The following PAFAH1B3 variants were observed in gnomAD, a reference collection of about 807,000 sequenced individuals.
The protein encoded by PAFAH1B3 is platelet-activating factor acetylhydrolase IB subunit alpha1.
A neutral mutation model predicts 24.4 loss-of-function variants in PAFAH1B3; 15 were observed. That is an observed-to-expected ratio of 0.62 (90% CI 0.41 to 0.95). The LOEUF is 0.95. Among genes scored for constraint, PAFAH1B3 ranks in the 40% least tolerant of loss-of-function variants. The pLI is 0.00. For missense variants in PAFAH1B3, 266 were observed against 312.2 expected, an observed-to-expected ratio of 0.85 and a Z score of 1.12; for synonymous variants, 144 against 126.5, an observed-to-expected ratio of 1.14 and a Z score of -0.93.
intron 2 of PAFAH1B3, among the ~76,000 whole-genome samples, chr19:42,301,615 C>T (rs1660395230): frequency 1.3e-5 from 2 of 152,182 alleles, no homozygotes; most frequent in African/African-American, 4.8e-5. Context: ...AGTTGCCCTT[C>T]GCTTCCTGTA....
rs2038534039 is a variant in PAFAH1B3, at chr19:42,297,058, G to A, written c.*20C>T. On this transcript the variant is annotated 3_prime_UTR_variant, in exon 5 of 5. Coordinates refer to ENST00000262890, the MANE Select transcript of PAFAH1B3 (RefSeq NM_002573.4). ...CACTGAGGAAGGAGAGTTTAATGTT[G>A]TGGGAAGGCAGCAGGATGCTTAGGG... The A allele has an allele frequency of 6.3e-6, 10 of 1,591,754 alleles. No individual in the cohort carries two copies. Among genetic ancestry groups the A allele is most frequent in the Non-Finnish European group, 8.6e-6 (10 of 1,163,272 alleles).
rs1261667545 is a variant in PAFAH1B3 at position 42,302,045 on chromosome 19, G to C, written c.79-6C>G. 5 of 1,564,138 alleles carry C rather than the reference G, an allele frequency of 3.2e-6. No individual in the cohort carries two copies. The highest frequency in any genetic ancestry group is 4.3e-6 in the Non-Finnish European group (5 of 1,154,264). On this transcript the variant is annotated splice_polypyrimidine_tract_variant and splice_region_variant and intron_variant, in intron 1 of 4. Transcript: ENST00000262890. Reference sequence around the variant, plus strand: ...TCAGCCACGAACCGATGGTGCTGCGGGAGCGCGCGAGAGGGAGTCAATGGC... The same window carrying C: ...TCAGCCACGAACCGATGGTGCTGCGCGAGCGCGCGAGAGGGAGTCAATGGC...
chr19:42,302,398 C>T lies in PAFAH1B3; in HGVS notation c.-89G>A, dbSNP rs900213988. On this transcript the variant is annotated 5_prime_UTR_variant, in exon 1 of 5. Transcript: ENST00000262890. ...CTGGCTCCGCCACGCCCACTCCTAC[C>T]CCTCGCGGCAACAAAGGACCGTCCC... 4 of 1,228,544 alleles carry T rather than the reference C, an allele frequency of 3.3e-6. No individual in the cohort carries two copies. The highest frequency in any genetic ancestry group is 4.5e-6 in the Non-Finnish European group (4 of 883,978). 76.1% of individuals were successfully genotyped at this position (1,228,544 alleles called of 1,614,324 possible).
chr19:42,298,428 T>A (rs1235875097), intron 4 of PAFAH1B3, among the ~76,000 whole-genome samples: 5 of 151,598 alleles, frequency 3.3e-5, no homozygotes, highest in Admixed American at 2.6e-4. Flanking sequence ...GAGGAGGAGG[T>A]TGCAGTGAGG....
chr19:42,299,203 ACCT>A (rs753994689), intron 4 of PAFAH1B3, among the ~76,000 whole-genome samples: 3 of 122,726 alleles, frequency 2.4e-5, no homozygotes, highest in Non-Finnish European at 5.0e-5. Flanking sequence ...CCCAACCTCC[ACCT>A]CCTGGGTTCA....
chr19:42,297,446 A>G, intron 4 of PAFAH1B3, 81 bp from the exon 5 acceptor site: 3 of 1,053,258 alleles, frequency 2.8e-6, no homozygotes, highest in Admixed American at 5.2e-5. Context: ...TCCACCCACC[A>G]CCATGAAGTT....
At position 42,302,560 on chromosome 19, in the gene PAFAH1B3, C is replaced by T. The variant is rs2147389962; in HGVS notation, c.-251G>A. ...ACGACGGCCGCACAGTGGGCTCGCC[C>T]GGCGCTTCCCGCTCGGGCCGCTGAC... On this transcript the variant is annotated 5_prime_UTR_variant, in exon 1 of 5. Coordinates refer to ENST00000262890, the MANE Select transcript of PAFAH1B3 (RefSeq NM_002573.4). The T allele has an allele frequency of 8.8e-6, 4 of 452,066 alleles. No homozygotes were observed. The East Asian group carries it at 1.5e-4, about 17-fold the overall frequency. The allele number at this position is 452,066 out of a possible 1,614,324, so 28.0% of individuals were successfully genotyped here. A position where few individuals can be genotyped will look rare whatever the true frequency, so the allele number is the denominator to read the frequency against.
At chr19:42,301,364 G>A (rs1299263013) in intron 2 of PAFAH1B3, among the ~76,000 whole-genome samples, 1 of 152,022 alleles carries the variant, frequency 6.6e-6, no homozygotes, top group Non-Finnish European at 1.5e-5. Flanking sequence ...ACCACTGCAC[G>A]CCAGCCTGGG....
At chr19:42,299,601 T>G (rs2038586419) in intron 4 of PAFAH1B3, among the ~76,000 whole-genome samples, 1 of 151,922 alleles carries the variant, frequency 6.6e-6, no homozygotes, top group South Asian at 2.1e-4. Flanking sequence ...AATTTTTTTT[T>G]GTATTTTTAG....
At chr19:42,298,650 T>TTTTTC (rs2038572889) in intron 4 of PAFAH1B3, among the ~76,000 whole-genome samples, 1 of 151,902 alleles carries the variant, frequency 6.6e-6, no homozygotes, top group Non-Finnish European at 1.5e-5. Context: ...TTTTTGAGGG[T>TTTTTC]TTTTCTTTTG....
chr19:42,302,508 G>A lies in PAFAH1B3; in HGVS notation c.-199C>T. The A allele has an allele frequency of 3.6e-6, 2 of 558,592 alleles. No individual in the cohort carries two copies. The highest frequency in any genetic ancestry group is 3.5e-5 in the Admixed American group (1 of 28,340). 34.6% of individuals were successfully genotyped at this position (558,592 alleles called of 1,614,324 possible). ...ACGGAAGCCTTCACTTAGGAGGTAG[G>A]TGGAATCAGGAACCTTCGCTTCCCC... is the stretch of plus-strand genomic sequence containing the variant. On this transcript the variant is annotated 5_prime_UTR_variant, in exon 1 of 5. Coordinates refer to ENST00000262890, the MANE Select transcript of PAFAH1B3 (RefSeq NM_002573.4).
chr19:42,299,470 G>T (rs2147382918), intron 4 of PAFAH1B3, among the ~76,000 whole-genome samples: 1 of 151,752 alleles, frequency 6.6e-6, no homozygotes, highest in East Asian at 1.9e-4. Flanking sequence ...TGTCGCCCAG[G>T]CTGGAGTGCA....
In PAFAH1B3 at chr19:42,301,989, G is replaced by A. The variant is rs377758415; in HGVS notation, c.129C>T (p.Phe43=). ...DSKDKEPEVV[F]IGDSLVQLMH... ...TGAGCTGGACCAAGGAGTCCCCGAT[G>A]AAGACGACTTCGGGTTCCTTATCTT... is the stretch of plus-strand genomic sequence containing the variant. Residue 43 remains phenylalanine (F), a synonymous_variant, in exon 2 of 5, where the codon TTC becomes TTT. Coordinates refer to ENST00000262890, the MANE Select transcript of PAFAH1B3 (RefSeq NM_002573.4). 7 of 1,569,208 alleles carry A rather than the reference G, an allele frequency of 4.5e-6. No homozygotes were observed. The highest frequency in any genetic ancestry group is 6.0e-6 in the Non-Finnish European group (7 of 1,157,314).
At position 42,302,362 on chromosome 19, in the gene PAFAH1B3, T is replaced by C; in HGVS notation, c.-53A>G. Reference sequence around the variant, plus strand: ...GCGAGTCGGGTCGGCCCGGGAGTGTTCCGAACGGAGCTGGCTCCGCCACGC... The same window carrying C: ...GCGAGTCGGGTCGGCCCGGGAGTGTCCCGAACGGAGCTGGCTCCGCCACGC... On this transcript the variant is annotated 5_prime_UTR_variant, in exon 1 of 5. Transcript: ENST00000262890. The C allele has an allele frequency of 6.6e-7, 1 of 1,510,382 alleles. No individual in the cohort carries two copies. Among genetic ancestry groups the C allele is most frequent in the Non-Finnish European group, 8.9e-7 (1 of 1,119,162 alleles). 93.6% of individuals were successfully genotyped at this position (1,510,382 alleles called of 1,614,324 possible).
intron 4 of PAFAH1B3, among the ~76,000 whole-genome samples, chr19:42,299,750 C>G (rs891546172): frequency 6.6e-6 from 1 of 152,018 alleles, no homozygotes; most frequent in Non-Finnish European, 1.5e-5. Context: ...TTTCAATACC[C>G]CCAAAGTCTT....
chr19:42,297,580 T>C (rs897753901), intron 4 of PAFAH1B3, among the ~76,000 whole-genome samples: 8 of 150,616 alleles, frequency 5.3e-5, no homozygotes, highest in Non-Finnish European at 8.9e-5. Flanking sequence ...GTTTTCTTTT[T>C]TTTTTTTTTT....
At position 42,302,346 on chromosome 19, in the gene PAFAH1B3, G is replaced by A. The variant is rs1252190813; in HGVS notation, c.-37C>T. 10 of 1,552,336 alleles carry A rather than the reference G, an allele frequency of 6.4e-6. No homozygotes were observed. Among genetic ancestry groups the A allele is most frequent in the Non-Finnish European group, 8.7e-6 (10 of 1,149,570 alleles). On this transcript the variant is annotated 5_prime_UTR_variant, in exon 1 of 5. Transcript: ENST00000262890. ...AGCTCCTGCAGGATGAGCGAGTCGG[G>A]TCGGCCCGGGAGTGTTCCGAACGGA...
rs372231234 is a variant in PAFAH1B3, at chr19:42,300,367, G to A, written c.169-80C>T. ...CGCATGGACCATCCCCCTCTGTCCA[G>A]GTGTTAACCAAATGCCATTATGGAA... On this transcript the variant is annotated intron_variant, in intron 2 of 4. Coordinates refer to ENST00000262890, the MANE Select transcript of PAFAH1B3 (RefSeq NM_002573.4). The A allele has an allele frequency of 7.0e-5, 86 of 1,220,066 alleles. No homozygotes were observed. In the East Asian group the frequency reaches 1.2e-3, roughly 17 times the overall value. 75.6% of individuals were successfully genotyped at this position (1,220,066 alleles called of 1,614,324 possible).
rs151099535 is a variant in PAFAH1B3 at position 42,297,306 on chromosome 19, G to A, written c.468C>T (p.Asn156=). The A allele has an allele frequency of 1.3e-4, 203 of 1,613,662 alleles. 1 individual carries two copies. The highest frequency in any genetic ancestry group is 1.6e-4 in the Non-Finnish European group (187 of 1,179,714). Residue 156 remains asparagine, a synonymous_variant, in exon 5 of 5, where the codon AAC becomes AAT. Coordinates refer to ENST00000262890, the MANE Select transcript of PAFAH1B3 (RefSeq NM_002573.4). ...CAGCCAGTGCCGCCCGTACCAGCTCGTTCACCTGTCGGTTCTTCTCCCGAA... is the reference window on the plus strand; with the variant it reads ...CAGCCAGTGCCGCCCGTACCAGCTCATTCACCTGTCGGTTCTTCTCCCGAA... ...NPLREKNRQV[N]ELVRAALAGH...
Sources: gnomAD v4.1 joint callset for allele counts (sites outside exome capture counted in the v4.1 genomes callset) on GRCh38, gnomAD v4.1.1 for gene constraint, MANE v1.5 for transcripts, NCBI Gene and HGNC (gene_info 2026-07-23, HGNC 2026-07-21) for gene names.